The following NIBAN2 variants were observed in gnomAD, a reference collection of about 807,000 sequenced individuals.
NIBAN2 encodes niban apoptosis regulator 2.
A neutral mutation model predicts 81.8 loss-of-function variants in NIBAN2; 36 were observed. That is an observed-to-expected ratio of 0.44 (90% confidence interval 0.34 to 0.58). The LOEUF is 0.58. NIBAN2 is among the 20% of genes least tolerant of loss of function. NIBAN2 has a pLI of 0.02. For synonymous variants in NIBAN2, 445 were observed against 441.6 expected (o/e 1.01, Z -0.10); for missense variants, 897 against 1,014.1 (o/e 0.88, Z 1.57).
At chr9:127,531,094 C>T (rs910521189) in intron 2 of NIBAN2, among the ~76,000 whole-genome samples, 6 of 151,666 alleles carry the variant, frequency 4.0e-5, no homozygotes, top group Non-Finnish European at 8.8e-5. Flanking sequence ...GTGGAAGGAT[C>T]ACTTGAGCCA....
At chr9:127,541,486 G>A (rs1279541937) in intron 1 of NIBAN2, among the ~76,000 whole-genome samples, 2 of 152,198 alleles carry the variant, frequency 1.3e-5, no homozygotes, top group African/African-American at 4.8e-5. Flanking sequence ...GGGAACCAAC[G>A]TTTGGGCAAA....
Position 127,523,190 on chromosome 9 carries a change from A to T in NIBAN2, c.589+489T>A, listed in dbSNP as rs28385444. On this transcript the variant is annotated intron_variant, in intron 5 of 13. Coordinates refer to ENST00000373312, the MANE Select transcript of NIBAN2 (RefSeq NM_022833.4). ...GTTTTAAAAAAAAAAAAAAAAAAAAAAAATATATATATATATATATATATA... is the reference window on the plus strand; with the variant it reads ...GTTTTAAAAAAAAAAAAAAAAAAAATAAATATATATATATATATATATATA... Among the ~76,000 whole-genome samples the T allele has an allele frequency of 8.7e-5, 2 of 22,990 alleles. 1 individual carries two copies. Among genetic ancestry groups the T allele is most frequent in the Non-Finnish European group, 1.4e-4 (2 of 13,920 alleles). The allele number at this position is 22,990 out of a possible 152,430, so 15.1% of individuals were successfully genotyped here. A position where few individuals can be genotyped will look rare whatever the true frequency, so the allele number is the denominator to read the frequency against.
intron 8 of NIBAN2, among the ~76,000 whole-genome samples, chr9:127,512,292 T>C (rs1439944581): frequency 6.6e-6 from 1 of 151,430 alleles, no homozygotes; most frequent in African/African-American, 2.4e-5. Context: ...TTTACATTTT[T>C]TTTTTTTTTT....
chr9:127,516,812 C>G, intron 8 of NIBAN2, 45 bp downstream of exon 8: 1 of 1,568,480 alleles, frequency 6.4e-7, no homozygotes, highest in Non-Finnish European at 8.7e-7. Context: ...AGAAAGTCCA[C>G]CTTGGCCCCT....
intron 1 of NIBAN2, among the ~76,000 whole-genome samples, chr9:127,565,946 TCACACACACA>T (rs10682812): frequency 7.7e-6 from 1 of 130,556 alleles, no homozygotes; most frequent in Non-Finnish European, 1.6e-5. Flanking sequence ...TCTCTCTCTC[TCACACACACA>T]CACACACACA....
intron 1 of NIBAN2, among the ~76,000 whole-genome samples, chr9:127,538,645 A>C (rs1441234904): frequency 6.6e-6 from 1 of 151,526 alleles, no homozygotes; most frequent in Non-Finnish European, 1.5e-5. Flanking sequence ...AAAAAAAAAA[A>C]AAGAAATGCA....
chr9:127,572,478 A>G, upstream of NIBAN2, among the ~76,000 whole-genome samples: 1 of 152,226 alleles, frequency 6.6e-6, no homozygotes, highest in East Asian at 1.9e-4. Context: ...AGTAATAAAC[A>G]TTAAGATGGG....
chr9:127,527,763 C>T (rs1435394442), intron 2 of NIBAN2, among the ~76,000 whole-genome samples: 6 of 152,350 alleles, frequency 3.9e-5, no homozygotes, highest in East Asian at 1.9e-4. Context: ...GCCAGAACTG[C>T]GAGGGCCCCA....
intron 1 of NIBAN2, among the ~76,000 whole-genome samples, chr9:127,549,798 A>G (rs763252058): frequency 2.0e-5 from 3 of 152,136 alleles, no homozygotes; most frequent in Non-Finnish European, 4.4e-5. Flanking sequence ...CTTGGTCTGT[A>G]CTCTAAGCTC....
intron 1 of NIBAN2, among the ~76,000 whole-genome samples, chr9:127,543,638 C>T (rs533484840): frequency 6.6e-6 from 1 of 152,326 alleles, no homozygotes; most frequent in African/African-American, 2.4e-5. Flanking sequence ...CGCTCTCCTT[C>T]CCATCCCCAC....
At chr9:127,577,754 A>C (rs908198816) in intron 1 of NIBAN2, among the ~76,000 whole-genome samples, 2 of 150,184 alleles carry the variant, frequency 1.3e-5, no homozygotes, top group Non-Finnish European at 2.9e-5. Flanking sequence ...CTTGCTCTGT[A>C]ACCCAGGCTG....
rs1836987987 is a variant in NIBAN2 at position 127,523,193 on chromosome 9, ATATATATATATATATATAT to A, written c.589+467_589+485del. 2.4e-3 allele frequency among the ~76,000 whole-genome samples: 19 copies of A among 7,998 alleles called. 5 individuals carry two copies. The highest frequency in any genetic ancestry group is 3.3e-3 in the Non-Finnish European group (17 of 5,148). 5.2% of individuals were successfully genotyped at this position (7,998 alleles called of 152,430 possible). ...TTAAAAAAAAAAAAAAAAAAAAAAA[ATATATATATATATATATAT>A]ATATATATATATATATATATATATA... On this transcript the variant is annotated intron_variant, in intron 5 of 13. Coordinates refer to ENST00000373312, the MANE Select transcript of NIBAN2 (RefSeq NM_022833.4).
Position 127,507,092 on chromosome 9 carries a change from C to A in NIBAN2, c.1994G>T (p.Ser665Ile). Residue 665 changes from serine to isoleucine, a missense_variant, in exon 14 of 14, where the codon AGC (serine) becomes ATC (isoleucine). This residue lies in a region of NIBAN2 where 619 missense variants were observed against 691.0 expected (regional missense o/e 0.90). Transcript: ENST00000373312. This position sits in a 1 kb window ranked among gnomAD's most constrained non-coding sequence, Gnocchi z 6.8. Reference protein sequence around the residue: ...GLLAQGLRPESPPPAGPLLNG... With the variant: ...GLLAQGLRPEIPPPAGPLLNG... The stretch of plus-strand genomic sequence containing the variant: ...GAGCAGGGGGCCGGCTGGTGGGGGG[C>A]TCTCAGGCCGCAGACCTTGGGCCAG... 1 of 1,577,730 alleles carries A rather than the reference C, an allele frequency of 6.3e-7. No individual in the cohort carries two copies. The highest frequency in any genetic ancestry group is 8.6e-7 in the Non-Finnish European group (1 of 1,162,146).
chr9:127,517,679 G>C lies in NIBAN2; in HGVS notation c.705+147C>G. On this transcript the variant is annotated intron_variant, in intron 6 of 13. Coordinates refer to ENST00000373312, the MANE Select transcript of NIBAN2 (RefSeq NM_022833.4). The surrounding 1 kb of genome is among the most constrained non-coding windows in gnomAD (Gnocchi z 4.0). ...ACAGCGAGTATCTCCACGTGCACTG[G>C]CCCTGCACTTGTCCAAATCTAAGCA... 4.6e-6 allele frequency: 3 copies of C among 655,648 alleles called. No individual in the cohort carries two copies. The South Asian group carries it at 5.4e-5, about 12-fold the overall frequency. The allele number at this position is 655,648 out of a possible 1,614,324, so 40.6% of individuals were successfully genotyped here.
chr9:127,569,199 C>T (rs1364138551), upstream of NIBAN2: 2 of 496,452 alleles, frequency 4.0e-6, no homozygotes, highest in African/African-American at 2.4e-5. Flanking sequence ...CCACCCCGCC[C>T]CGCCCCGCCC....
intron 1 of NIBAN2, among the ~76,000 whole-genome samples, chr9:127,552,217 C>T (rs1395689244): frequency 3.3e-5 from 5 of 152,184 alleles, no homozygotes; most frequent in African/African-American, 4.8e-5. Context: ...TCAAACCATG[C>T]GGAATCAATG....
rs1185168211 is a variant in NIBAN2 at position 127,509,456 on chromosome 9, A to T, written c.1162-325T>A. On this transcript the variant is annotated intron_variant, in intron 9 of 13. Transcript: ENST00000373312. The stretch of plus-strand genomic sequence containing the variant: ...ACCCTCTCTGAGCCTCAGTTTCCTC[A>T]GCTTCAAAATTGGGAGAGAGCTTTC... Among the ~76,000 whole-genome samples, 5 of 152,116 alleles carry T rather than the reference A, an allele frequency of 3.3e-5. No individual in the cohort carries two copies. The East Asian group carries it at 9.6e-4, about 29-fold the overall frequency.
intron 1 of NIBAN2, among the ~76,000 whole-genome samples, chr9:127,544,430 C>T (rs1179527020): frequency 1.3e-5 from 2 of 152,034 alleles, no homozygotes; most frequent in African/African-American, 2.4e-5. Flanking sequence ...GTTGCTAACA[C>T]CAGGATAGGG....
rs1236095480 is a variant in NIBAN2 at position 127,545,805 on chromosome 9, CT to C, written c.56-14028del. 6.6e-6 allele frequency among the ~76,000 whole-genome samples: 1 copy of C among 152,194 alleles called. No individual in the cohort carries two copies. The highest frequency in any genetic ancestry group is 1.9e-4 in the East Asian group (1 of 5,178). ...CCTTTCCTTTACACCTCGAGGCCGCCTGGTGGGAGGAAGTCCATTCCCATCT... is the reference window on the plus strand; with the variant it reads ...CCTTTCCTTTACACCTCGAGGCCGCCGGTGGGAGGAAGTCCATTCCCATCT... On this transcript the variant is annotated intron_variant, in intron 1 of 13. Coordinates refer to ENST00000373312, the MANE Select transcript of NIBAN2 (RefSeq NM_022833.4). The surrounding 1 kb of genome is among the most constrained non-coding windows in gnomAD (Gnocchi z 4.7).
Sources: gnomAD v4.1 joint callset for allele counts (sites outside exome capture counted in the v4.1 genomes callset) on GRCh38, gnomAD v4.1.1 for gene constraint, gnomAD v4.1.1 regional missense constraint, Gnocchi (gnomAD v3.1) non-coding constraint, MANE v1.5 for transcripts, NCBI Gene and HGNC (gene_info 2026-07-23, HGNC 2026-07-21) for gene names.